The following DCTPP1 variants were observed in gnomAD, a reference collection of about 807,000 sequenced individuals.
DCTPP1 encodes dCTP pyrophosphatase 1.
DCTPP1 carries 8 observed loss-of-function variants against 8.8 expected under a neutral mutation model. The ratio of observed to expected loss-of-function variants is 0.91; its 90% CI spans 0.54 to 1.64. The LOEUF (loss-of-function observed/expected upper bound fraction) is 1.64, where lower values mean the gene tolerates loss of function less well. Among genes scored for constraint, DCTPP1 ranks in the 40% most tolerant of loss-of-function variants. DCTPP1 has a pLI of 0.00. For missense variants in DCTPP1, 231 were observed against 230.4 expected, an observed-to-expected ratio of 1.00 and a Z score of -0.02; for synonymous variants, 85 against 92.1, an observed-to-expected ratio of 0.92 and a Z score of 0.44.
chr16:30,429,419 C>T, intron 1 of DCTPP1: 1 of 450,570 alleles, frequency 2.2e-6, no homozygotes, highest in Non-Finnish European at 3.9e-6. Context: ...TATTCCATCT[C>T]CTGCTGCTAC....
intron 1 of DCTPP1, chr16:30,429,579 C>T (rs1382183194): frequency 2.2e-6 from 1 of 448,030 alleles, no homozygotes; most frequent in Non-Finnish European, 4.0e-6. Context: ...TTCGTTTGCC[C>T]CTCTCGTACC....
chr16:30,424,308 A>G lies in DCTPP1; in HGVS notation c.438T>C (p.His146=), dbSNP rs777702703. 1.2e-6 allele frequency: 2 copies of G among 1,614,218 alleles called. No individual in the cohort carries two copies. The highest frequency in any genetic ancestry group is 1.7e-6 in the Non-Finnish European group (2 of 1,180,040). The change falls in exon 3 of 3, where the codon CAT becomes CAC. Residue 146 remains histidine, a synonymous_variant. Transcript: ENST00000319285. ...CAGCCTGGTCTTCAGAGATGGCCCC[A>G]TGGGGCAATTCTGTATACTTGCGGG... The part of the protein sequence containing the change: ...SSSRKYTELP[H]GAISEDQAVG...
intron 2 of DCTPP1, among the ~76,000 whole-genome samples, chr16:30,427,403 C>A (rs2050200746): frequency 6.6e-6 from 1 of 151,274 alleles, no homozygotes; most frequent in East Asian, 1.9e-4. Flanking sequence ...GTCTCTGCCT[C>A]CTGGGTTCAA....
chr16:30,428,797 G>T, intron 2 of DCTPP1: 2 of 416,490 alleles, frequency 4.8e-6, no homozygotes, highest in Admixed American at 4.3e-5. Flanking sequence ...AAAAACAAAA[G>T]AAGGGAAAAG....
In DCTPP1 at chr16:30,429,955, C is replaced by A. The variant is rs1319311823; in HGVS notation, c.26G>T (p.Arg9Leu). The change falls in exon 1 of 3, where the codon CGT becomes CTT. Residue 9 changes from arginine (R) to leucine (L), a missense_variant. By Grantham distance (102) the Arg-to-Leu change is moderately radical. Transcript: ENST00000319285. MSVAGGEI[R>L]GDTGGEDTAA... ...AGTGTCCTCTCCCCCCGTGTCCCCACGAATCTCCCCACCGGCCACAGACAT... is the reference window on the plus strand; with the variant it reads ...AGTGTCCTCTCCCCCCGTGTCCCCAAGAATCTCCCCACCGGCCACAGACAT... 45 of 1,580,236 alleles carry A rather than the reference C, an allele frequency of 2.8e-5. No individual in the cohort carries two copies. The highest frequency in any genetic ancestry group is 3.9e-5 in the Non-Finnish European group (45 of 1,164,670).
chr16:30,425,340 T>A (rs867946588), intron 2 of DCTPP1, among the ~76,000 whole-genome samples: 2 of 151,248 alleles, frequency 1.3e-5, no homozygotes, highest in African/African-American at 4.9e-5. Flanking sequence ...TACAAAAAAA[T>A]TAGCTGGGCA....
intron 2 of DCTPP1, among the ~76,000 whole-genome samples, chr16:30,425,403 T>G (rs759633933): frequency 1.3e-4 from 19 of 151,752 alleles, no homozygotes; most frequent in Non-Finnish European, 2.5e-4. Context: ...GCAGAGAAAT[T>G]CTTGAACCCA....
intron 1 of DCTPP1, 110 bp from the exon 2 acceptor site, chr16:30,429,277 C>T (rs1031718310): frequency 1.9e-5 from 20 of 1,033,516 alleles, no homozygotes; most frequent in Non-Finnish European, 2.7e-5. Flanking sequence ...CCAGGAGATT[C>T]TGCAACTAAT....
intron 1 of DCTPP1, chr16:30,429,456 GC>G (rs1205104700): frequency 4.8e-6 from 2 of 414,184 alleles, no homozygotes; most frequent in Non-Finnish European, 8.6e-6. Context: ...ACCTGGAATC[GC>G]CGCACATCAA....
In DCTPP1 at chr16:30,429,229, G is replaced by A; in HGVS notation, c.102-62C>T. 3.2e-6 allele frequency: 5 copies of A among 1,567,506 alleles called. No individual in the cohort carries two copies. In the Admixed American group the frequency reaches 5.1e-5, roughly 16 times the overall value. ...GGGTTAGAGGGTGATGCAGGGGCCA[G>A]AGGCAGCTACCCCCGTAGTATGTAA... is the stretch of plus-strand genomic sequence containing the variant. On this transcript the variant is annotated intron_variant, in intron 1 of 2. Transcript: ENST00000319285.
intron 2 of DCTPP1, among the ~76,000 whole-genome samples, chr16:30,426,468 C>T (rs1274750889): frequency 7.4e-6 from 1 of 134,500 alleles, no homozygotes; most frequent in African/African-American, 2.8e-5. Flanking sequence ...AGCCACAGCA[C>T]CTGGCCGGTT....
intron 2 of DCTPP1, among the ~76,000 whole-genome samples, chr16:30,425,133 G>A (rs1285356526): frequency 1.3e-5 from 2 of 152,132 alleles, no homozygotes; most frequent in Non-Finnish European, 2.9e-5. Context: ...GCCCTCCTCG[G>A]CCTCTCAAAG....
At position 30,429,075 on chromosome 16, in the gene DCTPP1, C is replaced by T. The variant is rs200511564; in HGVS notation, c.194G>A (p.Gly65Glu). The T allele has an allele frequency of 7.4e-6, 12 of 1,613,794 alleles. No homozygotes were observed. Among genetic ancestry groups the T allele is most frequent in the African/African-American group, 4.0e-5 (3 of 75,028 alleles). Residue 65 changes from glycine to glutamate, a missense_variant, in exon 2 of 3, where the codon GGG becomes GAG. By Grantham distance (98) the Gly-to-Glu change is moderately conservative. Transcript: ENST00000319285. Reference protein sequence around the residue: ...NLLLALVGEVGELAELFQWKT... With the variant: ...NLLLALVGEVEELAELFQWKT... ...TACTCACAAGAGTTCTGCCAGCTCC[C>T]CCACTTCCCCAACCAAGGCCAGGAG...
chr16:30,429,002 T>G (rs2050209245), intron 2 of DCTPP1, 55 bp downstream of exon 2: 4 of 1,498,102 alleles, frequency 2.7e-6, no homozygotes, highest in Non-Finnish European at 3.6e-6. Flanking sequence ...AAATAAATGC[T>G]CCCCTCCCCT....
chr16:30,429,165 C>T lies in DCTPP1; in HGVS notation c.104G>A (p.Arg35His), dbSNP rs1287281200. The T allele has an allele frequency of 1.2e-6, 2 of 1,613,856 alleles. No homozygotes were observed. The highest frequency in any genetic ancestry group is 1.3e-5 in the African/African-American group (1 of 74,906). The part of the protein sequence containing the change: ...FSPEPTLEDI[R>H]RLHAEFAAER... ...CGCAGCAAACTCAGCATGGAGGCGG[C>T]GGCTGAAATAGGACAAAGGAGTGTA... Residue 35 changes from arginine (R) to histidine (H), a missense_variant and splice_region_variant, in exon 2 of 3, where the codon CGC becomes CAC. Coordinates refer to ENST00000319285, the MANE Select transcript of DCTPP1 (RefSeq NM_024096.2).
chr16:30,424,505 G>GGCCA lies in DCTPP1; in HGVS notation c.237_240dup (p.Pro81TrpfsTer18). 6.2e-7 allele frequency: 1 copy of GGCCA among 1,614,032 alleles called. No individual in the cohort carries two copies. The highest frequency in any genetic ancestry group is 8.5e-7 in the Non-Finnish European group (1 of 1,180,026). On this transcript the variant is annotated frameshift_variant, in exon 3 of 3. Coordinates refer to ENST00000319285, the MANE Select transcript of DCTPP1 (RefSeq NM_024096.2). LOFTEE classifies it high-confidence loss of function. ...CGTTCCCTGGGGGACCAGCCTTGGGGGCCAGGTTCCCCATCGGTTTTCCAC... is the reference window on the plus strand; with the variant it reads ...CGTTCCCTGGGGGACCAGCCTTGGGGGCCAGCCAGGTTCCCCATCGGTTTTCCAC...
intron 2 of DCTPP1, 87 bp from the exon 3 acceptor site, chr16:30,424,620 C>T: frequency 6.7e-7 from 1 of 1,502,726 alleles, no homozygotes; most frequent in Non-Finnish European, 8.9e-7. Context: ...ACACCCACCT[C>T]CAAGGACGAC....
At chr16:30,428,507 C>T (rs1413830739) in intron 2 of DCTPP1, among the ~76,000 whole-genome samples, 1 of 152,188 alleles carries the variant, frequency 6.6e-6, no homozygotes, top group East Asian at 1.9e-4. Context: ...TGGTGGCTCA[C>T]CCCTGTAATC....
At chr16:30,429,852 C>T (rs1385806514) in intron 1 of DCTPP1, 28 bp downstream of exon 1, 2 of 1,580,086 alleles carry the variant, frequency 1.3e-6, no homozygotes, top group Non-Finnish European at 1.7e-6. Flanking sequence ...GCGACTTCCC[C>T]ACCCCGAGCT....
Sources: allele counts gnomAD v4.1 joint callset (sites outside exome capture counted in the v4.1 genomes callset), GRCh38; gene constraint gnomAD v4.1.1; transcripts MANE v1.5; gene names NCBI Gene and HGNC (gene_info 2026-07-23, HGNC 2026-07-21).